MYO9B: variants seen among roughly 807,000 people sequenced by gnomAD.
MYO9B encodes the protein unconventional myosin-IXb.
Under a neutral mutation model 229.5 loss-of-function variants are expected in MYO9B, and 71 were observed. That is an observed-to-expected ratio of 0.31 (90% CI 0.26 to 0.38). The LOEUF is 0.38. Among genes scored for constraint, MYO9B ranks in the 10% least tolerant of loss-of-function variants. The pLI, the probability that MYO9B is intolerant of heterozygous loss-of-function variation, is 1.00. For missense variants in MYO9B, 2,255 were observed against 2,920.5 expected, an observed-to-expected ratio of 0.77 and a Z score of 5.25; for synonymous variants, 1,185 against 1,235.8, an observed-to-expected ratio of 0.96 and a Z score of 0.86.
intron 7 of MYO9B, 129 bp from the exon 8 acceptor site, chr19:17,159,266 T>C (rs2145301332): frequency 1.3e-6 from 1 of 798,126 alleles, no homozygotes; most frequent in Non-Finnish European, 2.1e-6. Flanking sequence ...GTCCCACTTC[T>C]AGGCCTGGCT....
chr19:17,097,260 G>A (rs2057702062), intron 1 of MYO9B, among the ~76,000 whole-genome samples: 1 of 151,602 alleles, frequency 6.6e-6, no homozygotes, highest in Admixed American at 6.6e-5. Context: ...GGCGGAGGTT[G>A]CAGTGAGCCA....
chr19:17,151,745 C>G (rs2072479223), intron 3 of MYO9B, among the ~76,000 whole-genome samples: 1 of 152,102 alleles, frequency 6.6e-6, no homozygotes, highest in African/African-American at 2.4e-5. Flanking sequence ...CACGAAATCC[C>G]ATCTCTACAA....
chr19:17,203,877 C>T (rs1477811947), intron 30 of MYO9B, among the ~76,000 whole-genome samples: 2 of 152,084 alleles, frequency 1.3e-5, no homozygotes, highest in African/African-American at 2.4e-5. Context: ...AGGCTCCTCA[C>T]GGTCCCTCCC....
Position 17,181,754 on chromosome 19 carries a change from TTTCG to T in MYO9B, c.2333+722_2333+725del, listed in dbSNP as rs1309732131. Among the ~76,000 whole-genome samples, 7 of 152,256 alleles carry T rather than the reference TTTCG, an allele frequency of 4.6e-5. No homozygotes were observed. The East Asian group carries it at 7.7e-4, about 17-fold the overall frequency. ...GCCAGTTTCTTTCTTTCTTTCTTTCTTTCGTTCGTTCTTTATTTCGTTCTTTCGT... is the reference window on the plus strand; with the variant it reads ...GCCAGTTTCTTTCTTTCTTTCTTTCTTTCGTTCTTTATTTCGTTCTTTCGT... On this transcript the variant is annotated intron_variant, in intron 15 of 39. Coordinates refer to ENST00000682292, the MANE Select transcript of MYO9B (RefSeq NM_004145.4).
chr19:17,137,680 CT>C (rs1475702846), intron 2 of MYO9B, among the ~76,000 whole-genome samples: 2 of 152,208 alleles, frequency 1.3e-5, no homozygotes, highest in Admixed American at 1.3e-4. Context: ...GCTTCAAGCT[CT>C]GCCCGAGGCT....
In MYO9B at chr19:17,183,881, A is replaced by C. The variant is rs1305434469; in HGVS notation, c.2373+13A>C. ...GATCATTCCAAAGGTAAAAAAAAAA[A>C]CACACCCCGCGCGACACGTTCCAAG... is the stretch of plus-strand genomic sequence containing the variant. On this transcript the variant is annotated intron_variant, in intron 16 of 39. Coordinates refer to ENST00000682292, the MANE Select transcript of MYO9B (RefSeq NM_004145.4). 3.2e-6 allele frequency: 5 copies of C among 1,560,658 alleles called. No individual in the cohort carries two copies. Among genetic ancestry groups the C allele is most frequent in the African/African-American group, 1.4e-5 (1 of 73,216 alleles).
intron 31 of MYO9B, 26 bp downstream of exon 31, chr19:17,205,362 C>G (rs760176372): frequency 1.2e-6 from 2 of 1,603,346 alleles, no homozygotes; most frequent in African/African-American, 2.7e-5. Context: ...CTGGAACTTT[C>G]TACAATGACA....
chr19:17,160,988 G>A (rs11878590), intron 8 of MYO9B, among the ~76,000 whole-genome samples: 3 of 151,600 alleles, frequency 2.0e-5, no homozygotes, highest in Admixed American at 6.6e-5. Flanking sequence ...CGTGAGCCAC[G>A]GTGCCCAGAT....
intron 1 of MYO9B, among the ~76,000 whole-genome samples, chr19:17,085,189 T>C (rs60015118): frequency 0.022 from 3,347 of 152,208 alleles, 124 homozygotes; most frequent in African/African-American, 0.074. Flanking sequence ...CTGAGACCAT[T>C]GTCCCCCACC....
chr19:17,173,061 A>G, intron 13 of MYO9B, 98 bp downstream of exon 13: 2 of 1,393,306 alleles, frequency 1.4e-6, no homozygotes, highest in East Asian at 2.4e-5. Context: ...CATTTAGTAC[A>G]TTCATTATGT....
chr19:17,112,925 T>TG lies in MYO9B; in HGVS notation c.840+10374dup, dbSNP rs1054830139. Among the ~76,000 whole-genome samples the TG allele has an allele frequency of 4.6e-5, 7 of 152,216 alleles. No individual in the cohort carries two copies. The South Asian group carries it at 1.0e-3, about 23-fold the overall frequency. ...AGGGGGCGTGTGGCTCCCCTCTCAT[T>TG]GGGGGGCATTTCAGGGATGAGATTC... On this transcript the variant is annotated intron_variant, in intron 2 of 39. Coordinates refer to ENST00000682292, the MANE Select transcript of MYO9B (RefSeq NM_004145.4).
chr19:17,180,005 T>C (rs1322120492), intron 14 of MYO9B, among the ~76,000 whole-genome samples: 2 of 151,734 alleles, frequency 1.3e-5, no homozygotes, highest in African/African-American at 4.8e-5. Context: ...AAGGCTGAGG[T>C]GGGCCGATCA....
chr19:17,093,286 G>A (rs888913602), intron 1 of MYO9B, among the ~76,000 whole-genome samples: 7 of 151,986 alleles, frequency 4.6e-5, no homozygotes, highest in Admixed American at 2.0e-4. Context: ...AGCCAAGATC[G>A]TGCCACTGCA....
intron 11 of MYO9B, among the ~76,000 whole-genome samples, chr19:17,170,420 G>A (rs2072710083): frequency 6.6e-6 from 1 of 151,988 alleles, no homozygotes; most frequent in African/African-American, 2.4e-5. Context: ...AGACTCAAAT[G>A]AATGAGGCAC....
chr19:17,079,008 T>C (rs1368435275), intron 1 of MYO9B, among the ~76,000 whole-genome samples: 1 of 152,154 alleles, frequency 6.6e-6, no homozygotes, highest in African/African-American at 2.4e-5. Context: ...CTGTGCACTG[T>C]AGAATGTGGA....
chr19:17,205,535 CTG>C (rs779800208), intron 31 of MYO9B, among the ~76,000 whole-genome samples, 199 bp downstream of exon 31: 1 of 152,156 alleles, frequency 6.6e-6, no homozygotes, highest in Non-Finnish European at 1.5e-5. Context: ...GGGCCCAGGC[CTG>C]TGTGTGTGTC....
intron 2 of MYO9B, among the ~76,000 whole-genome samples, chr19:17,143,237 C>CA (rs60367856): frequency 0.37 from 54,339 of 148,842 alleles, 10,790 homozygotes; most frequent in African/African-American, 0.54. Context: ...GACTCTGTTT[C>CA]AAAAAAAAAA....
chr19:17,089,147 A>G (rs985162303), intron 1 of MYO9B, among the ~76,000 whole-genome samples: 3 of 152,074 alleles, frequency 2.0e-5, no homozygotes. Context: ...GTGTAGAAAA[A>G]TGAGGACAAA....
intron 22 of MYO9B, among the ~76,000 whole-genome samples, chr19:17,197,402 TAGATGATAGATAGATAGATAGATAGATA>T (rs1568297748): frequency 3.5e-5 from 5 of 141,960 alleles, no homozygotes; most frequent in African/African-American, 1.3e-4. Context: ...GATGGATAGA[TAGATGATAGATAGATAGATAGATAGATA>T]GATAGATAGA....
Sources: gnomAD v4.1 joint callset for allele counts (sites outside exome capture counted in the v4.1 genomes callset) on GRCh38, gnomAD v4.1.1 for gene constraint, MANE v1.5 for transcripts, NCBI Gene and HGNC (gene_info 2026-07-23, HGNC 2026-07-21) for gene names.